Variants in DSCAML1 observed in about 807,000 individuals in gnomAD.
DSCAML1 encodes the protein cell adhesion molecule DSCAML1.
In DSCAML1, 38 loss-of-function variants were observed where a neutral mutation model predicts 200.5. That is an observed-to-expected ratio of 0.19 (90% CI 0.15 to 0.25). The LOEUF (loss-of-function observed/expected upper bound fraction) is 0.25, where lower values mean the gene tolerates loss of function less well. Among genes scored for constraint, DSCAML1 ranks in the 10% least tolerant of loss-of-function variants. DSCAML1 has a pLI of 1.00. For missense variants in DSCAML1, 2,223 were observed against 2,858.8 expected, an observed-to-expected ratio of 0.78 and a Z score of 5.07; for synonymous variants, 1,215 against 1,165.0, an observed-to-expected ratio of 1.04 and a Z score of -0.87.
chr11:117,551,484 C>G (rs569871073), intron 3 of DSCAML1, among the ~76,000 whole-genome samples: 12 of 152,296 alleles, frequency 7.9e-5, no homozygotes, highest in African/African-American at 2.6e-4. Context: ...GCCCTCTCCC[C>G]CACCGTGCCT....
intron 3 of DSCAML1, among the ~76,000 whole-genome samples, chr11:117,568,119 A>T (rs2050787508): frequency 6.6e-6 from 1 of 152,266 alleles, no homozygotes; most frequent in South Asian, 2.1e-4. Flanking sequence ...CCAAAGACAA[A>T]AACCAAATGA....
intron 3 of DSCAML1, among the ~76,000 whole-genome samples, chr11:117,584,261 C>T (rs1266341290): frequency 1.3e-5 from 2 of 152,210 alleles, no homozygotes; most frequent in African/African-American, 4.8e-5. Flanking sequence ...CATTTTTGTG[C>T]CAGATCCTCA....
intron 3 of DSCAML1, among the ~76,000 whole-genome samples, chr11:117,553,001 A>T (rs1018768263): frequency 6.6e-6 from 1 of 152,080 alleles, no homozygotes; most frequent in Non-Finnish European, 1.5e-5. Context: ...CCTTTCTTAC[A>T]AATGTTTTTG....
At chr11:117,560,110 G>C (rs1315833426) in intron 3 of DSCAML1, among the ~76,000 whole-genome samples, 3 of 152,112 alleles carry the variant, frequency 2.0e-5, no homozygotes, top group Admixed American at 2.0e-4. Context: ...GAAAGAAAGG[G>C]GGGGCCACTT....
intron 1 of DSCAML1, among the ~76,000 whole-genome samples, chr11:117,787,442 G>C (rs191553035): frequency 6.6e-6 from 1 of 152,272 alleles, no homozygotes; most frequent in South Asian, 2.1e-4. Flanking sequence ...ACCTAAAACC[G>C]TGGTTCTCAA....
intron 8 of DSCAML1, among the ~76,000 whole-genome samples, chr11:117,512,042 T>C (rs1022330500): frequency 3.3e-5 from 5 of 152,236 alleles, no homozygotes; most frequent in African/African-American, 1.2e-4. Flanking sequence ...CAGTTGTTTT[T>C]CCGGCTCATG....
chr11:117,583,194 CTCT>C (rs1481543347), intron 3 of DSCAML1, among the ~76,000 whole-genome samples: 5 of 151,956 alleles, frequency 3.3e-5, no homozygotes, highest in Admixed American at 3.3e-4. Flanking sequence ...CTCCCCTGGC[CTCT>C]TCTTCCCTAC....
chr11:117,610,824 A>C (rs1893043), intron 3 of DSCAML1, among the ~76,000 whole-genome samples: 2 of 132,750 alleles, frequency 1.5e-5, no homozygotes, highest in African/African-American at 2.8e-5. Flanking sequence ...CCAAACCCCT[A>C]AACCAAACCA....
Position 117,518,221 on chromosome 11 carries a change from A to G in DSCAML1, c.1510+245T>C, listed in dbSNP as rs567053726. ...TGGGCTGGCTGGATTTCTGGACAGGAGGAAGGAGGAGGGGGAATGGGGAGG... is the reference window on the plus strand; with the variant it reads ...TGGGCTGGCTGGATTTCTGGACAGGGGGAAGGAGGAGGGGGAATGGGGAGG... On this transcript the variant is annotated intron_variant, in intron 7 of 32. Transcript: ENST00000651296. This position sits in a 1 kb window ranked among gnomAD's most constrained non-coding sequence, Gnocchi z 6.3. Among the ~76,000 whole-genome samples the G allele has an allele frequency of 2.6e-5, 4 of 152,022 alleles. No homozygotes were observed. The highest frequency in any genetic ancestry group is 3.9e-4 in the East Asian group (2 of 5,150).
intron 17 of DSCAML1, among the ~76,000 whole-genome samples, chr11:117,462,549 C>G (rs933260578): frequency 2.0e-5 from 3 of 152,176 alleles, no homozygotes; most frequent in African/African-American, 7.2e-5. Context: ...CCCGTTGCCC[C>G]ACAAGAGGCA....
chr11:117,754,882 C>T (rs1249336443), intron 3 of DSCAML1, among the ~76,000 whole-genome samples: 1 of 152,150 alleles, frequency 6.6e-6, no homozygotes. Context: ...CAGTTTTCTC[C>T]TAACTCCATC....
chr11:117,428,889 C>A lies in DSCAML1; in HGVS notation c.5687-86G>T. On this transcript the variant is annotated intron_variant, in intron 32 of 32. Coordinates refer to ENST00000651296, the MANE Select transcript of DSCAML1 (RefSeq NM_020693.4). ...CAGCCCCCACCCCATCCCCTGCCCC[C>A]AGTCTTCTCTCTGATTTGGCATAGG... is the stretch of plus-strand genomic sequence containing the variant. 3.0e-6 allele frequency: 4 copies of A among 1,324,372 alleles called. No individual in the cohort carries two copies. The Admixed American group carries it at 9.1e-5, about 30-fold the overall frequency. 82.0% of individuals were successfully genotyped at this position (1,324,372 alleles called of 1,614,324 possible).
rs71037492 is a variant in DSCAML1, at chr11:117,687,426, A to ATTTTTTTTTTTTTTTTTTTTTTTT, written c.511+89364_511+89365insAAAAAAAAAAAAAAAAAAAAAAAA. On this transcript the variant is annotated intron_variant, in intron 3 of 32. Transcript: ENST00000651296. ...CAGGTGTGCTCCACCATGCCTGGCT[A>ATTTTTTTTTTTTTTTTTTTTTTTT]TTTTTTTTTTTTTTTTTTTTTTAGA... Among the ~76,000 whole-genome samples the ATTTTTTTTTTTTTTTTTTTTTTTT allele has an allele frequency of 4.3e-4, 42 of 97,642 alleles. 2 individuals are homozygous for ATTTTTTTTTTTTTTTTTTTTTTTT. Among genetic ancestry groups the ATTTTTTTTTTTTTTTTTTTTTTTT allele is most frequent in the African/African-American group, 1.2e-3 (30 of 24,304 alleles). 64.1% of individuals were successfully genotyped at this position (97,642 alleles called of 152,430 possible).
intron 8 of DSCAML1, among the ~76,000 whole-genome samples, chr11:117,513,400 G>A (rs1260191169): frequency 6.6e-6 from 1 of 152,174 alleles, no homozygotes; most frequent in Non-Finnish European, 1.5e-5. Flanking sequence ...CCAGACCTCA[G>A]ATGGCCACGG....
intron 19 of DSCAML1, among the ~76,000 whole-genome samples, chr11:117,451,814 CAAA>C (rs10579506): frequency 0.47 from 69,089 of 148,312 alleles, 16,190 homozygotes; most frequent in African/African-American, 0.55. Flanking sequence ...GACTCCGTCT[CAAA>C]AAAAAAAAAA....
chr11:117,546,959 C>G (rs185992004), intron 3 of DSCAML1, among the ~76,000 whole-genome samples: 69 of 152,262 alleles, frequency 4.5e-4, no homozygotes, highest in Admixed American at 3.7e-3. Flanking sequence ...TAGCATTTCC[C>G]TGACATTCAT....
chr11:117,602,944 A>G (rs2051492194), intron 3 of DSCAML1, among the ~76,000 whole-genome samples: 2 of 152,202 alleles, frequency 1.3e-5, no homozygotes, highest in East Asian at 1.9e-4. Context: ...ACAAAAAAAA[A>G]GTACAACCAG....
intron 3 of DSCAML1, among the ~76,000 whole-genome samples, chr11:117,576,782 G>A (rs113885541): frequency 2.0e-4 from 30 of 152,158 alleles, no homozygotes; most frequent in African/African-American, 6.3e-4. Context: ...GCTGTGCCCC[G>A]AGTGTCAGGG....
intron 3 of DSCAML1, among the ~76,000 whole-genome samples, chr11:117,675,250 C>A (rs956843817): frequency 2.6e-5 from 4 of 152,168 alleles, no homozygotes; most frequent in African/African-American, 9.7e-5. Flanking sequence ...CACACACAGA[C>A]AATACCATGG....
Sources: gnomAD v4.1 joint callset for allele counts (sites outside exome capture counted in the v4.1 genomes callset) on GRCh38, gnomAD v4.1.1 for gene constraint, Gnocchi (gnomAD v3.1) non-coding constraint, MANE v1.5 for transcripts, NCBI Gene and HGNC (gene_info 2026-07-23, HGNC 2026-07-21) for gene names.